The following SLCO3A1 variants were observed in gnomAD, a reference collection of about 807,000 sequenced individuals.
SLCO3A1 encodes solute carrier organic anion transporter family member 3A1, also known as PGE1 transporter.
Under a neutral mutation model 63.1 loss-of-function variants are expected in SLCO3A1, and 27 were observed. That is an observed-to-expected ratio of 0.43 (90% CI 0.32 to 0.59). The LOEUF is 0.59. Among genes scored for constraint, SLCO3A1 ranks in the 20% least tolerant of loss-of-function variants. The probability of loss-of-function intolerance (pLI) is 0.09; values close to 1 mark genes in which losing one functional copy is unlikely to be tolerated. For synonymous variants in SLCO3A1, 473 were observed against 409.9 expected, an observed-to-expected ratio of 1.15 and a Z score of -1.86; for missense variants, 773 against 945.8, an observed-to-expected ratio of 0.82 and a Z score of 2.40.
intron 2 of SLCO3A1, among the ~76,000 whole-genome samples, chr15:91,977,165 T>C (rs999636204): frequency 1.3e-5 from 2 of 152,202 alleles, no homozygotes; most frequent in East Asian, 1.9e-4. Flanking sequence ...GATACATGGA[T>C]TGTGCAAAAA....
At chr15:92,109,824 A>G (rs1169258018) in intron 4 of SLCO3A1, among the ~76,000 whole-genome samples, 2 of 151,688 alleles carry the variant, frequency 1.3e-5, no homozygotes, top group Non-Finnish European at 2.9e-5. Context: ...TATGTTACTT[A>G]CCTCTGTCCT....
chr15:91,864,490 CT>C (rs56982912), intron 1 of SLCO3A1, among the ~76,000 whole-genome samples: 5,295 of 133,626 alleles, frequency 0.04, 213 homozygotes, highest in African/African-American at 0.13. Flanking sequence ...AAATGTTCCT[CT>C]TTTTTTTTTT....
Position 92,096,095 on chromosome 15 carries a change from G to T in SLCO3A1, c.745+1116G>T, listed in dbSNP as rs117529897. On this transcript the variant is annotated intron_variant, in intron 3 of 9. Transcript: ENST00000318445. ...AGCTTCACTGGGCAGTTCTAGCTCA[G>T]GGTCTCTTATGAGGCTGCAGTCAAG... Among the ~76,000 whole-genome samples the T allele has an allele frequency of 1.1e-3, 175 of 152,296 alleles. 7 individuals carry two copies. The East Asian group carries it at 0.028, about 24-fold the overall frequency.
intron 2 of SLCO3A1, among the ~76,000 whole-genome samples, chr15:91,989,214 C>T (rs2046094408): frequency 1.3e-5 from 2 of 152,318 alleles, no homozygotes; most frequent in African/African-American, 4.8e-5. Flanking sequence ...ACTCAGCTGC[C>T]ACCTCCTCTT....
chr15:92,100,668 A>G (rs2047594963), intron 3 of SLCO3A1, among the ~76,000 whole-genome samples: 1 of 152,222 alleles, frequency 6.6e-6, no homozygotes, highest in Admixed American at 6.5e-5. Context: ...TTGCTATGCC[A>G]AGCCTGCCTG....
At position 91,968,624 on chromosome 15, in the gene SLCO3A1, G is replaced by A. The variant is rs1170043650; in HGVS notation, c.646+52166G>A. 6.6e-6 allele frequency among the ~76,000 whole-genome samples: 1 copy of A among 152,106 alleles called. No homozygotes were observed. The highest frequency in any genetic ancestry group is 1.5e-5 in the Non-Finnish European group (1 of 68,022). On this transcript the variant is annotated intron_variant, in intron 2 of 9. Transcript: ENST00000318445. This position sits in a 1 kb window ranked among gnomAD's most constrained non-coding sequence, Gnocchi z 4.2. ...AGAAGAAGCCAGGGTAGAAACAAGC[G>A]ACCCCTGCTTCCATGTGAAGCTTCA... is the stretch of plus-strand genomic sequence containing the variant.
chr15:91,880,389 C>CTGTGTGTG (rs1358208114), intron 1 of SLCO3A1, among the ~76,000 whole-genome samples: 5 of 103,710 alleles, frequency 4.8e-5, no homozygotes, highest in African/African-American at 2.8e-4. Flanking sequence ...GCTTCTCTCT[C>CTGTGTGTG]TCTCTCTCTC....
At chr15:92,110,889 G>A (rs2047721027) in intron 4 of SLCO3A1, among the ~76,000 whole-genome samples, 1 of 152,142 alleles carries the variant, frequency 6.6e-6, no homozygotes, top group African/African-American at 2.4e-5. Flanking sequence ...CTTGGCAAGA[G>A]CTTCAGGTGT....
intron 4 of SLCO3A1, among the ~76,000 whole-genome samples, chr15:92,118,049 C>T (rs1342872967): frequency 1.3e-5 from 2 of 152,136 alleles, no homozygotes; most frequent in African/African-American, 4.8e-5. Context: ...ATGGTAAATG[C>T]TTTAAACCTT....
chr15:92,068,087 G>A (rs1431250413), intron 2 of SLCO3A1, among the ~76,000 whole-genome samples: 1 of 152,128 alleles, frequency 6.6e-6, no homozygotes, highest in African/African-American at 2.4e-5. Context: ...CATGAATTTG[G>A]CAAGTAAGAG....
At chr15:92,022,311 G>A (rs1266716795) in intron 2 of SLCO3A1, among the ~76,000 whole-genome samples, 1 of 152,202 alleles carries the variant, frequency 6.6e-6, no homozygotes, top group Non-Finnish European at 1.5e-5. Context: ...AACAAAAACA[G>A]ACATTTTAAC....
intron 2 of SLCO3A1, among the ~76,000 whole-genome samples, chr15:92,073,740 G>A (rs2047243415): frequency 6.6e-6 from 1 of 152,224 alleles, no homozygotes; most frequent in Non-Finnish European, 1.5e-5. Context: ...AGGTTCAGTG[G>A]CATTTTTGGC....
intron 3 of SLCO3A1, among the ~76,000 whole-genome samples, chr15:92,095,401 G>T (rs949186087): frequency 2.0e-5 from 3 of 152,230 alleles, no homozygotes; most frequent in Non-Finnish European, 2.9e-5. Context: ...TGGAGCATGT[G>T]TTCTGGAGGT....
At chr15:91,990,659 A>G (rs1193180055) in intron 2 of SLCO3A1, among the ~76,000 whole-genome samples, 2 of 152,024 alleles carry the variant, frequency 1.3e-5, no homozygotes, top group Non-Finnish European at 2.9e-5. Flanking sequence ...AGAAAAAAAA[A>G]AAAATCCCTA....
At chr15:91,943,611 T>A (rs1235885513) in intron 2 of SLCO3A1, among the ~76,000 whole-genome samples, 2 of 152,190 alleles carry the variant, frequency 1.3e-5, no homozygotes, top group African/African-American at 4.8e-5. Context: ...GAAATGGAAA[T>A]GCTGGATTAT....
intron 2 of SLCO3A1, among the ~76,000 whole-genome samples, chr15:92,092,948 A>T (rs1170666012): frequency 1.3e-5 from 2 of 152,212 alleles, no homozygotes; most frequent in African/African-American, 4.8e-5. Context: ...GACTATTTGG[A>T]AACAGTGGAA....
chr15:91,911,547 T>A (rs780838094), intron 1 of SLCO3A1, among the ~76,000 whole-genome samples: 2 of 152,182 alleles, frequency 1.3e-5, no homozygotes, highest in South Asian at 2.1e-4. Context: ...GCCTGAATGG[T>A]CAGTGGTCCT....
intron 2 of SLCO3A1, among the ~76,000 whole-genome samples, chr15:91,963,023 G>A (rs1052837895): frequency 6.6e-6 from 1 of 152,108 alleles, no homozygotes; most frequent in African/African-American, 2.4e-5. Context: ...ACCTTCCTCT[G>A]GAGCCTCAGT....
intron 7 of SLCO3A1, among the ~76,000 whole-genome samples, chr15:92,128,895 A>G (rs546495986): frequency 1.6e-4 from 24 of 152,322 alleles, no homozygotes; most frequent in African/African-American, 5.5e-4. Context: ...TCTGACACCA[A>G]TTCAGCTTCT....
Sources: gnomAD v4.1 joint callset for allele counts (sites outside exome capture counted in the v4.1 genomes callset) on GRCh38, gnomAD v4.1.1 for gene constraint, Gnocchi (gnomAD v3.1) non-coding constraint, MANE v1.5 for transcripts, NCBI Gene and HGNC (gene_info 2026-07-23, HGNC 2026-07-21) for gene names.